The following AR variants were observed in gnomAD, a reference collection of about 807,000 sequenced individuals.
AR encodes the protein dihydrotestosterone receptor.
A neutral mutation model predicts 53.9 loss-of-function variants in AR; 8 were observed. The observed-to-expected ratio is 0.15, with a 90% CI of 0.09 to 0.27. The LOEUF is 0.27. AR is among the 10% of genes least tolerant of loss of function. The pLI, the probability that AR is intolerant of heterozygous loss-of-function variation, is 1.00. For missense variants in AR, 639 were observed against 742.5 expected (o/e 0.86, Z 1.62); for synonymous variants, 359 against 316.4 (o/e 1.13, Z -1.43).
chrX:67,723,053 C>G (rs2147538649), intron 7 of AR, 69 bp downstream of exon 7: 1 of 1,154,005 alleles, frequency 8.7e-7, no homozygotes, highest in Non-Finnish European at 1.2e-6. Flanking sequence ...ATATGCTTCT[C>G]TAGAGTCTGG....
chrX:67,670,130 A>G lies in AR; in HGVS notation c.1769-15880A>G, dbSNP rs975828083. The stretch of plus-strand genomic sequence containing the variant: ...GAGATTTTAGTGCAGCAGCCACCTG[A>G]GAAGTGTACATTACCCATATATTAT... On this transcript the variant is annotated intron_variant, in intron 2 of 7. Coordinates refer to ENST00000374690, the MANE Select transcript of AR (RefSeq NM_000044.6). Among the ~76,000 whole-genome samples, 12 of 87,512 alleles carry G rather than the reference A, an allele frequency of 1.4e-4. No homozygotes were observed. The East Asian group carries it at 4.3e-3, about 31-fold the overall frequency. 76.0% of individuals were successfully genotyped at this position (87,512 alleles called of 115,157 possible). A position where few individuals can be genotyped will look rare whatever the true frequency, so the allele number is the denominator to read the frequency against.
At chrX:67,662,881 G>A (rs1167505124) in intron 2 of AR, among the ~76,000 whole-genome samples, 2 of 111,230 alleles carry the variant, frequency 1.8e-5, no homozygotes, top group African/African-American at 6.5e-5. Context: ...TTATGTAATG[G>A]CCTTCTTTGT....
chrX:67,593,716 GTCATACAGGCAACAGAATGTTAAACCA>G (rs1922948005), intron 1 of AR, among the ~76,000 whole-genome samples: 1 of 112,116 alleles, frequency 8.9e-6, no homozygotes, highest in South Asian at 3.7e-4. Context: ...GGACTATTTT[GTCATACAGGCAACAGAATGTTAAACCA>G]TTTCATAAAA....
At chrX:67,597,389 T>C (rs1923133610) in intron 1 of AR, among the ~76,000 whole-genome samples, 1 of 111,831 alleles carries the variant, frequency 8.9e-6, no homozygotes. Context: ...GATCCCATGG[T>C]CCTGTTTGGT....
chrX:67,643,313 G>C lies in AR; in HGVS notation c.1674G>C (p.Lys558Asn), dbSNP rs770563263. 8.3e-7 allele frequency: 1 copy of C among 1,211,246 alleles called. No individual in the cohort carries two copies. Among genetic ancestry groups the C allele is most frequent in the East Asian group, 3.0e-5 (1 of 33,819 alleles). Residue 558 changes from lysine to asparagine, a missense_variant, in exon 2 of 8, where the codon AAG becomes AAC. Coordinates refer to ENST00000374690, the MANE Select transcript of AR (RefSeq NM_000044.6). ...TTGACTATTACTTTCCACCCCAGAA[G>C]ACCTGCCTGATCTGTGGAGATGAAG... is the stretch of plus-strand genomic sequence containing the variant. The part of the protein sequence containing the change: ...LPIDYYFPPQ[K>N]TCLICGDEAS...
chrX:67,673,093 C>G (rs1255987862), intron 2 of AR, among the ~76,000 whole-genome samples: 3 of 105,439 alleles, frequency 2.8e-5, no homozygotes, highest in Non-Finnish European at 5.8e-5. Flanking sequence ...GCCACTCTCT[C>G]CTGGCCTATA....
At chrX:67,704,441 C>CT (rs757989838) in intron 3 of AR, among the ~76,000 whole-genome samples, 1 of 111,999 alleles carries the variant, frequency 8.9e-6, no homozygotes, top group Non-Finnish European at 1.9e-5. Context: ...GCATAAATGT[C>CT]TTTTTTTGAG....
chrX:67,568,615 A>C (rs1047342814), intron 1 of AR, among the ~76,000 whole-genome samples: 2 of 111,726 alleles, frequency 1.8e-5, no homozygotes, highest in Non-Finnish European at 3.8e-5. Context: ...TTTATTTTTC[A>C]GAGGCCTGGC....
intron 2 of AR, among the ~76,000 whole-genome samples, chrX:67,653,567 G>C (rs1926448310): frequency 9.0e-6 from 1 of 111,282 alleles, no homozygotes; most frequent in Admixed American, 9.6e-5. Flanking sequence ...AGGCTTGTTT[G>C]GGGAACATTA....
intron 1 of AR, among the ~76,000 whole-genome samples, chrX:67,556,482 C>A (rs1242349025): frequency 8.9e-6 from 1 of 111,946 alleles, no homozygotes; most frequent in African/African-American, 3.3e-5. Context: ...CCTTGCCATT[C>A]TACTTTACAG....
rs777886419 is a variant in AR at position 67,545,437 on chromosome X, C to T, written c.291C>T (p.Pro97=). The T allele has an allele frequency of 6.7e-6, 8 of 1,200,052 alleles. No homozygotes were observed. In the East Asian group the frequency reaches 2.4e-4, roughly 36 times the overall value. The part of the protein sequence containing the change: ...QQQQQGEDGS[P]QAHRRGPTGY... ...AGCAGCAGGGTGAGGATGGTTCTCCCCAAGCCCATCGTAGAGGCCCCACAG... is the reference window on the plus strand; with the variant it reads ...AGCAGCAGGGTGAGGATGGTTCTCCTCAAGCCCATCGTAGAGGCCCCACAG... Residue 97 remains proline (P), a synonymous_variant, in exon 1 of 8, where the codon CCC becomes CCT. Coordinates refer to ENST00000374690, the MANE Select transcript of AR (RefSeq NM_000044.6).
chrX:67,710,426 T>A (rs779050339), intron 3 of AR, among the ~76,000 whole-genome samples: 1 of 111,362 alleles, frequency 9.0e-6, no homozygotes, highest in East Asian at 2.8e-4. Context: ...GCTCAAGGAA[T>A]CCTTCCACCT....
At chrX:67,679,136 A>G (rs764510591) in intron 2 of AR, among the ~76,000 whole-genome samples, 2 of 111,403 alleles carry the variant, frequency 1.8e-5, no homozygotes, top group South Asian at 7.6e-4. Flanking sequence ...ATCCCACTGT[A>G]CCCCATAAAT....
At chrX:67,666,369 C>A (rs1927262083) in intron 2 of AR, among the ~76,000 whole-genome samples, 1 of 111,824 alleles carries the variant, frequency 8.9e-6, no homozygotes, top group Non-Finnish European at 1.9e-5. Flanking sequence ...TAGTTCCATC[C>A]ATGTTATTGC....
chrX:67,625,891 G>GA (rs201729276), intron 1 of AR, among the ~76,000 whole-genome samples: 35 of 110,072 alleles, frequency 3.2e-4, no homozygotes, highest in Non-Finnish European at 5.1e-4. Context: ...AGCAATAAGA[G>GA]AAAAAAAATT....
At chrX:67,569,637 C>T (rs1921726373) in intron 1 of AR, among the ~76,000 whole-genome samples, 2 of 111,101 alleles carry the variant, frequency 1.8e-5, no homozygotes, top group Non-Finnish European at 3.8e-5. Flanking sequence ...TGTCTCTGTG[C>T]CTTCATGTAT....
At chrX:67,665,827 C>G (rs766855525) in intron 2 of AR, among the ~76,000 whole-genome samples, 1 of 111,971 alleles carries the variant, frequency 8.9e-6, no homozygotes, top group East Asian at 2.8e-4. Flanking sequence ...AGTTTGCTGA[C>G]TCACACCATG....
chrX:67,631,829 C>G (rs1164750700), intron 1 of AR, among the ~76,000 whole-genome samples: 4 of 111,948 alleles, frequency 3.6e-5, no homozygotes, highest in East Asian at 2.8e-4. Context: ...TGTGGATGTC[C>G]TTTCTGTTTT....
chrX:67,656,459 C>T (rs1022002087), intron 2 of AR, among the ~76,000 whole-genome samples: 1 of 111,268 alleles, frequency 9.0e-6, no homozygotes, highest in Non-Finnish European at 1.9e-5. Context: ...GTACAATGAG[C>T]CTGTCCCTAT....
Sources: allele counts gnomAD v4.1 joint callset (sites outside exome capture counted in the v4.1 genomes callset), GRCh38; gene constraint gnomAD v4.1.1; transcripts MANE v1.5; gene names NCBI Gene and HGNC (gene_info 2026-07-23, HGNC 2026-07-21).